The following CSMD1 variants were observed in gnomAD, a reference collection of about 807,000 sequenced individuals.
CSMD1 encodes CUB and Sushi multiple domains 1.
A neutral mutation model predicts 417.5 loss-of-function variants in CSMD1; 213 were observed. The ratio of observed to expected loss-of-function variants is 0.51; its 90% CI spans 0.46 to 0.57. The LOEUF (loss-of-function observed/expected upper bound fraction) is 0.57, where lower values mean the gene tolerates loss of function less well. CSMD1 is among the 20% of genes least tolerant of loss of function. The pLI is 0.00. For synonymous variants in CSMD1, 2,862 were observed against 1,736.8 expected, an observed-to-expected ratio of 1.65 and a Z score of -16.11; for missense variants, 6,923 against 4,529.7, an observed-to-expected ratio of 1.53 and a Z score of -15.17.
chr8:3,802,939 G>C (rs949012462), intron 5 of CSMD1, among the ~76,000 whole-genome samples: 1 of 152,080 alleles, frequency 6.6e-6, no homozygotes, highest in Admixed American at 6.6e-5. Context: ...ACAAAAGAAA[G>C]ACTTGAAAAT....
intron 3 of CSMD1, among the ~76,000 whole-genome samples, chr8:4,160,172 A>G (rs1032404398): frequency 6.6e-5 from 10 of 152,122 alleles, no homozygotes; most frequent in Non-Finnish European, 5.9e-5. Context: ...TTTACTGACT[A>G]AGACTTAAGG....
intron 1 of CSMD1, among the ~76,000 whole-genome samples, chr8:4,913,426 C>A (rs138857691): frequency 6.6e-6 from 1 of 152,098 alleles, no homozygotes; most frequent in African/African-American, 2.4e-5. Context: ...CTTGGACACT[C>A]AGTGAATATT....
In CSMD1 at chr8:4,338,806, A is replaced by G. The variant is rs930755688; in HGVS notation, c.415+81147T>C. Reference sequence around the variant, plus strand: ...ATATTGATATTAGTTTAATGTTGCAATTACTCTTGTGTTGCCTTAATATTC... The same window carrying G: ...ATATTGATATTAGTTTAATGTTGCAGTTACTCTTGTGTTGCCTTAATATTC... On this transcript the variant is annotated intron_variant, in intron 3 of 69. Coordinates refer to ENST00000635120, the MANE Select transcript of CSMD1 (RefSeq NM_033225.6). 7.2e-5 allele frequency among the ~76,000 whole-genome samples: 11 copies of G among 152,220 alleles called. No individual in the cohort carries two copies. The East Asian group carries it at 2.1e-3, about 29-fold the overall frequency.
At chr8:3,373,317 C>G (rs1810092262) in intron 18 of CSMD1, 2 of 152,198 alleles carry the variant, frequency 1.3e-5, no homozygotes. Context: ...ACCCGGAAAT[C>G]ACTGACCAGC....
At chr8:4,025,602 T>G (rs982007679) in intron 4 of CSMD1, among the ~76,000 whole-genome samples, 1 of 152,198 alleles carries the variant, frequency 6.6e-6, no homozygotes, top group Non-Finnish European at 1.5e-5. Flanking sequence ...AAATCCTTTT[T>G]AAGACTGGCA....
At chr8:4,893,514 T>C (rs572725620) in intron 1 of CSMD1, among the ~76,000 whole-genome samples, 87 of 152,298 alleles carry the variant, frequency 5.7e-4, no homozygotes, top group Non-Finnish European at 8.5e-4. Context: ...CACATTTTAA[T>C]TTACCCACTT....
rs1252985288 is a variant in CSMD1, at chr8:4,927,152, G to A, written c.85+67180C>T. ...ATAGACACTCACTCTGTTGCACCAG[G>A]CTGGAGTGCAATGGCACAATCTCAG... On this transcript the variant is annotated intron_variant, in intron 1 of 69. Transcript: ENST00000635120. 3.3e-5 allele frequency among the ~76,000 whole-genome samples: 5 copies of A among 150,814 alleles called. No homozygotes were observed. The South Asian group carries it at 6.3e-4, about 19-fold the overall frequency.
intron 12 of CSMD1, among the ~76,000 whole-genome samples, chr8:3,466,410 A>AT (rs55779982): frequency 0.16 from 24,167 of 150,724 alleles, 1,946 homozygotes; most frequent in East Asian, 0.22. Context: ...TTTTCTGATA[A>AT]TTTTTTTTTC....
intron 10 of CSMD1, among the ~76,000 whole-genome samples, chr8:3,534,370 T>C (rs1450162891): frequency 6.6e-6 from 1 of 152,178 alleles, no homozygotes; most frequent in Non-Finnish European, 1.5e-5. Flanking sequence ...AAATGCCGTG[T>C]TCAGGATTGC....
chr8:4,253,687 A>G lies in CSMD1; in HGVS notation c.415+166266T>C, dbSNP rs962510515. On this transcript the variant is annotated intron_variant, in intron 3 of 69. Coordinates refer to ENST00000635120, the MANE Select transcript of CSMD1 (RefSeq NM_033225.6). ...GTTTGCAACATACATTGATTCTGCA[A>G]TATAAAATTTGCCAACTAAGTAATG... 6.6e-5 allele frequency among the ~76,000 whole-genome samples: 10 copies of G among 152,250 alleles called. 1 individual carries two copies. The highest frequency in any genetic ancestry group is 5.9e-4 in the Admixed American group (9 of 15,290).
intron 7 of CSMD1, among the ~76,000 whole-genome samples, chr8:3,691,506 A>G (rs958878727): frequency 6.6e-6 from 1 of 152,212 alleles, no homozygotes; most frequent in African/African-American, 2.4e-5. Context: ...AGGCATCTAG[A>G]AACTTGGCCT....
Position 3,998,041 on chromosome 8 carries a change from T to A in CSMD1, c.680A>T (p.Glu227Val). The change falls in exon 5 of 70, where the codon GAG (glutamate) becomes GTG (valine). Residue 227 changes from glutamate to valine, a missense_variant. By Grantham distance (121) the Glu-to-Val change is moderately radical. Transcript: ENST00000635120. ...GGTGCAGTCCGCGTTGTTCTCGTAC[T>A]CTGAAGGGAAGTGCGGGCTGGAGAT... Reference protein sequence around the residue: ...SSISSPHFPSEYENNADCTWT... With the variant: ...SSISSPHFPSVYENNADCTWT... 2 of 1,602,612 alleles carry A rather than the reference T, an allele frequency of 1.2e-6. No homozygotes were observed. The highest frequency in any genetic ancestry group is 1.7e-6 in the Non-Finnish European group (2 of 1,174,132).
intron 11 of CSMD1, among the ~76,000 whole-genome samples, chr8:3,471,443 G>T (rs74605028): frequency 0.024 from 3,720 of 152,186 alleles, 114 homozygotes; most frequent in East Asian, 0.15. Context: ...AGTATTAGTT[G>T]CAGGGCTTTC....
At chr8:3,006,695 G>A (rs1406821655) in intron 52 of CSMD1, among the ~76,000 whole-genome samples, 2 of 151,424 alleles carry the variant, frequency 1.3e-5, no homozygotes, top group South Asian at 4.2e-4. Context: ...TTTAATAAAT[G>A]GTGCTGGGAA....
chr8:4,724,694 C>G (rs1809299310), intron 1 of CSMD1, among the ~76,000 whole-genome samples: 2 of 151,998 alleles, frequency 1.3e-5, no homozygotes, highest in South Asian at 2.1e-4. Context: ...TTATTGAACA[C>G]CATTCTAAAA....
intron 3 of CSMD1, among the ~76,000 whole-genome samples, chr8:4,150,618 T>G (rs766568587): frequency 6.6e-6 from 1 of 152,188 alleles, no homozygotes; most frequent in Non-Finnish European, 1.5e-5. Flanking sequence ...ACAACAAGCA[T>G]TAACTGCAAT....
At chr8:3,930,353 T>A (rs552381184) in intron 5 of CSMD1, among the ~76,000 whole-genome samples, 1 of 150,688 alleles carries the variant, frequency 6.6e-6, no homozygotes, top group African/African-American at 2.4e-5. Context: ...AATAAAGAAA[T>A]CAATGTATTT....
chr8:3,600,904 G>T (rs1057211821), intron 8 of CSMD1, among the ~76,000 whole-genome samples: 2 of 152,142 alleles, frequency 1.3e-5, no homozygotes, highest in Non-Finnish European at 2.9e-5. Flanking sequence ...TAAAAAAATG[G>T]TTTTGCTATG....
intron 3 of CSMD1, among the ~76,000 whole-genome samples, chr8:4,186,625 T>C (rs1252290272): frequency 6.6e-6 from 1 of 152,174 alleles, no homozygotes; most frequent in Non-Finnish European, 1.5e-5. Context: ...TTCCAGGGGC[T>C]AAGAGGCTAT....
Sources: allele counts gnomAD v4.1 joint callset (sites outside exome capture counted in the v4.1 genomes callset), GRCh38; gene constraint gnomAD v4.1.1; transcripts MANE v1.5; gene names NCBI Gene and HGNC (gene_info 2026-07-23, HGNC 2026-07-21).